PLB1: variants seen among roughly 807,000 people sequenced by gnomAD.
PLB1 encodes the protein phospholipase B1, membrane-associated.
PLB1 carries 242 observed loss-of-function variants against 227.4 expected under a neutral mutation model. That is an observed-to-expected ratio of 1.06 (90% CI 0.96 to 1.18). The LOEUF (loss-of-function observed/expected upper bound fraction) is 1.18, where lower values mean the gene tolerates loss of function less well. PLB1 is among the 50% of genes most tolerant of loss of function. PLB1 has a pLI of 0.00. For missense variants in PLB1, 1,858 were observed against 1,816.3 expected (o/e 1.02, Z -0.42); for synonymous variants, 757 against 682.2 (o/e 1.11, Z -1.71).
chr2:28,582,333 G>A (rs2148271302), intron 24 of PLB1, 72 bp from the exon 25 acceptor site: 1 of 1,363,010 alleles, frequency 7.3e-7, no homozygotes, highest in East Asian at 2.4e-5. Context: ...TCAGCAGGAG[G>A]AGCAGGCCCC....
Position 28,543,096 on chromosome 2 carries a change from G to A in PLB1, c.880-116G>A, listed in dbSNP as rs1044245580. On this transcript the variant is annotated intron_variant, in intron 13 of 57. Transcript: ENST00000327757. ...TATTGATGAGGGGCTGAGAGAAAAG[G>A]CCTGGACAGATCAGGCTGCCCCAAC... 14 of 1,118,658 alleles carry A rather than the reference G, an allele frequency of 1.3e-5. No homozygotes were observed. In the African/African-American group the frequency reaches 2.2e-4, roughly 17 times the overall value. 69.3% of individuals were successfully genotyped at this position (1,118,658 alleles called of 1,614,324 possible).
chr2:28,629,915 C>T (rs1229029499), intron 53 of PLB1, among the ~76,000 whole-genome samples: 2 of 152,146 alleles, frequency 1.3e-5, no homozygotes, highest in African/African-American at 4.8e-5. Flanking sequence ...GGAGGTTCTC[C>T]AGGGAGCTGA....
At chr2:28,586,541 A>C (rs959184039) in intron 26 of PLB1, among the ~76,000 whole-genome samples, 4 of 152,086 alleles carry the variant, frequency 2.6e-5, no homozygotes, top group African/African-American at 9.7e-5. Context: ...GCAAACAGCT[A>C]CCAGAGTGGA....
At chr2:28,533,339 C>T (rs1381334860) in intron 9 of PLB1, among the ~76,000 whole-genome samples, 1 of 152,156 alleles carries the variant, frequency 6.6e-6, no homozygotes, top group Non-Finnish European at 1.5e-5. Context: ...ATTTATTGTT[C>T]CAGTTTACCC....
intron 56 of PLB1, among the ~76,000 whole-genome samples, chr2:28,637,091 C>T (rs1352162814): frequency 6.6e-6 from 1 of 152,022 alleles, no homozygotes; most frequent in East Asian, 1.9e-4. Flanking sequence ...GTCAGGAGTT[C>T]AATACCAGCC....
At chr2:28,632,171 G>A (rs1167859222) in intron 55 of PLB1, 31 bp downstream of exon 55, 15 of 1,532,232 alleles carry the variant, frequency 9.8e-6, no homozygotes, top group African/African-American at 2.7e-5. Context: ...GGAGGCTCAC[G>A]TATGGGGGCC....
At chr2:28,567,543 A>G (rs1344462751) in intron 20 of PLB1, among the ~76,000 whole-genome samples, 2 of 131,398 alleles carry the variant, frequency 1.5e-5, no homozygotes, top group African/African-American at 6.1e-5. Context: ...GCGCCATCTC[A>G]GCTCATTGCA....
intron 53 of PLB1, among the ~76,000 whole-genome samples, chr2:28,629,987 T>TGCAGGGAACCCTGCTCTCTC (rs1688368938): frequency 6.6e-6 from 1 of 152,178 alleles, no homozygotes; most frequent in African/African-American, 2.4e-5. Flanking sequence ...TTCCCATTTT[T>TGCAGGGAACCCTGCTCTCTC]GCAGGGAACC....
intron 1 of PLB1, among the ~76,000 whole-genome samples, chr2:28,510,436 G>A (rs370024358): frequency 1.1e-4 from 16 of 152,174 alleles, no homozygotes; most frequent in African/African-American, 3.9e-4. Flanking sequence ...GCTTCCACTG[G>A]TCTAGTCCTG....
chr2:28,526,403 G>A (rs1670276477), intron 6 of PLB1, among the ~76,000 whole-genome samples: 1 of 152,046 alleles, frequency 6.6e-6, no homozygotes, highest in Non-Finnish European at 1.5e-5. Flanking sequence ...CAAGACATCA[G>A]TTGGGTTCAG....
In PLB1 at chr2:28,625,111, G is replaced by A. The variant is rs1236374295; in HGVS notation, c.3579+3G>A. The stretch of plus-strand genomic sequence containing the variant: ...TAGAGCGAATGAAAAACAGCCCCGT[G>A]AGTACAGGCCCCCAGGCCACCCCTG... On this transcript the variant is annotated splice_donor_region_variant and intron_variant, in intron 50 of 57. Coordinates refer to ENST00000327757, the MANE Select transcript of PLB1 (RefSeq NM_153021.5). The A allele has an allele frequency of 6.2e-7, 1 of 1,612,856 alleles. No individual in the cohort carries two copies. Among genetic ancestry groups the A allele is most frequent in the South Asian group, 1.1e-5 (1 of 90,874 alleles).
chr2:28,593,574 C>A, intron 32 of PLB1, 107 bp from the exon 33 acceptor site: 1 of 882,350 alleles, frequency 1.1e-6, no homozygotes, highest in Non-Finnish European at 1.8e-6. Flanking sequence ...TCTGCTCCTG[C>A]CACCACGAGT....
At chr2:28,513,840 G>A (rs926220250) in intron 1 of PLB1, among the ~76,000 whole-genome samples, 14 of 152,124 alleles carry the variant, frequency 9.2e-5, no homozygotes, top group Admixed American at 3.9e-4. Flanking sequence ...TTTGAATTCC[G>A]GAGTCAGCAG....
At chr2:28,543,418 G>A in intron 14 of PLB1, 150 bp downstream of exon 14, 1 of 821,144 alleles carries the variant, frequency 1.2e-6, no homozygotes, top group East Asian at 2.8e-5. Context: ...GTCTCCCGGT[G>A]ACGCCCCTCT....
In PLB1 at chr2:28,566,820, C is replaced by T. The variant is rs961576066; in HGVS notation, c.1305C>T (p.Gly435=). ...SWSVGGDENI[G]TVTTLANILR... ...GCGTCGGCGGAGATGAGAACATCGG[C>T]ACCGTTACCACCCTGGCGAGTGAGT... Residue 435 remains glycine (G), a synonymous_variant, in exon 20 of 58, where the codon GGC becomes GGT. Transcript: ENST00000327757. 1.2e-6 allele frequency: 2 copies of T among 1,613,922 alleles called. No individual in the cohort carries two copies. Among genetic ancestry groups the T allele is most frequent in the African/African-American group, 1.3e-5 (1 of 74,914 alleles).
chr2:28,634,072 CTTCTT>C (rs1339140313), intron 56 of PLB1, among the ~76,000 whole-genome samples: 2 of 152,176 alleles, frequency 1.3e-5, no homozygotes, highest in Non-Finnish European at 2.9e-5. Flanking sequence ...CTAGCAACCT[CTTCTT>C]TTAAGAACAG....
intron 8 of PLB1, among the ~76,000 whole-genome samples, chr2:28,531,289 GT>G (rs1670975454): frequency 6.6e-6 from 1 of 151,960 alleles, no homozygotes; most frequent in African/African-American, 2.4e-5. Context: ...GGATAAAGAT[GT>G]TGTTTTTTGT....
Position 28,578,111 on chromosome 2 carries a change from C to T in PLB1, c.1438C>T (p.Leu480=), listed in dbSNP as rs1258518203. 1 of 1,614,130 alleles carries T rather than the reference C, an allele frequency of 6.2e-7. No individual in the cohort carries two copies. The highest frequency in any genetic ancestry group is 8.5e-7 in the Non-Finnish European group (1 of 1,179,964). The change falls in exon 22 of 58, where the codon CTA becomes TTA. Residue 480 remains leucine (L), a synonymous_variant. Coordinates refer to ENST00000327757, the MANE Select transcript of PLB1 (RefSeq NM_153021.5). ...TCCTCTGGTATGTTTCCACAGGGAT[C>T]TACCTGTCCAGGCCAGGAGGCTGGT... The part of the protein sequence containing the change: ...QAVAGGRAED[L]PVQARRLVDL...
At chr2:28,515,429 A>G (rs1204190787) in intron 1 of PLB1, among the ~76,000 whole-genome samples, 3 of 152,024 alleles carry the variant, frequency 2.0e-5, no homozygotes, top group Admixed American at 1.3e-4. Context: ...GCTTGTCCAC[A>G]CTTCTATGCC....
Sources: gnomAD v4.1 joint callset for allele counts (sites outside exome capture counted in the v4.1 genomes callset) on GRCh38, gnomAD v4.1.1 for gene constraint, MANE v1.5 for transcripts, NCBI Gene and HGNC (gene_info 2026-07-23, HGNC 2026-07-21) for gene names.